GRIK4: variants seen among roughly 807,000 people sequenced by gnomAD.
GRIK4 encodes the protein glutamate ionotropic receptor kainate type subunit 4.
Under a neutral mutation model 104.9 loss-of-function variants are expected in GRIK4, and 40 were observed. That is an observed-to-expected ratio of 0.38 (90% CI 0.30 to 0.50). The LOEUF (loss-of-function observed/expected upper bound fraction) is 0.50, where lower values mean the gene tolerates loss of function less well. GRIK4 is among the 20% of genes least tolerant of loss of function. GRIK4 has a pLI of 0.93. For missense variants in GRIK4, 1,047 were observed against 1,308.1 expected (o/e 0.80, Z 3.08); for synonymous variants, 485 against 524.9 (o/e 0.92, Z 1.04).
At chr11:120,975,312 G>A (rs1944543311) in intron 19 of GRIK4, among the ~76,000 whole-genome samples, 1 of 152,170 alleles carries the variant, frequency 6.6e-6, no homozygotes, top group South Asian at 2.1e-4. Context: ...GATCCAGCGT[G>A]GTTATCCTGG....
chr11:120,609,194 C>G (rs12274778), intron 1 of GRIK4, among the ~76,000 whole-genome samples: 43,299 of 151,958 alleles, frequency 0.28, 6,664 homozygotes, highest in Non-Finnish European at 0.31. Flanking sequence ...CTCTCTTTCC[C>G]CCAGCCCCTC....
intron 8 of GRIK4, among the ~76,000 whole-genome samples, chr11:120,843,865 G>C (rs1450615536): frequency 6.6e-6 from 1 of 152,158 alleles, no homozygotes; most frequent in African/African-American, 2.4e-5. Context: ...CATCAGGTTG[G>C]GGAGTTCGTG....
chr11:120,559,140 T>G (rs1249835912), intron 1 of GRIK4, among the ~76,000 whole-genome samples: 1 of 152,184 alleles, frequency 6.6e-6, no homozygotes, highest in East Asian at 1.9e-4. Flanking sequence ...GTGGTGACCT[T>G]CGTGGCATAG....
At chr11:120,787,452 A>AT (rs1555064627) in intron 3 of GRIK4, among the ~76,000 whole-genome samples, 8 of 146,946 alleles carry the variant, frequency 5.4e-5, no homozygotes, top group South Asian at 2.1e-4. Flanking sequence ...ATTTTATTTT[A>AT]TTTATTTTAT....
In GRIK4 at chr11:120,903,914, G is replaced by A. The variant is rs1377988902; in HGVS notation, c.1273-1376G>A. ...GATCAACACGCTGGTTCCCAGCCCT[G>A]CTAGGTCTGTGAGAATGGTGGGAGT... On this transcript the variant is annotated intron_variant, in intron 12 of 20. Coordinates refer to ENST00000527524, the MANE Select transcript of GRIK4 (RefSeq NM_014619.5). This position sits in a 1 kb window ranked among gnomAD's most constrained non-coding sequence, Gnocchi z 4.4. Among the ~76,000 whole-genome samples, 4 of 152,214 alleles carry A rather than the reference G, an allele frequency of 2.6e-5. No homozygotes were observed. The highest frequency in any genetic ancestry group is 9.7e-5 in the African/African-American group (4 of 41,444).
chr11:120,556,709 C>T (rs544986912), intron 1 of GRIK4, among the ~76,000 whole-genome samples: 1 of 152,306 alleles, frequency 6.6e-6, no homozygotes, highest in Admixed American at 6.5e-5. Context: ...AAAGCACCCT[C>T]CTGTCACCTC....
At chr11:120,804,311 A>C (rs1310381333) in intron 4 of GRIK4, among the ~76,000 whole-genome samples, 5 of 152,258 alleles carry the variant, frequency 3.3e-5, no homozygotes, top group Non-Finnish European at 7.3e-5. Context: ...AGGATCCAGC[A>C]AAGCTCCAGC....
At chr11:120,597,685 T>C (rs1418564444) in intron 1 of GRIK4, among the ~76,000 whole-genome samples, 1 of 152,028 alleles carries the variant, frequency 6.6e-6, no homozygotes, top group Non-Finnish European at 1.5e-5. Flanking sequence ...GTGCTGCCTG[T>C]TCAGTGCAGC....
In GRIK4 at chr11:120,518,515, C is replaced by A. The variant is rs758754126; in HGVS notation, c.-159+6628C>A. Among the ~76,000 whole-genome samples the A allele has an allele frequency of 3.0e-4, 45 of 152,028 alleles. 1 individual carries two copies. Among genetic ancestry groups the A allele is most frequent in the Non-Finnish European group, 1.8e-4 (12 of 68,028 alleles). Reference sequence around the variant, plus strand: ...GTCCAAGCCCCAGAGAGACGAGGGGCCCAAAGCCCAGGGTGTTTAAGTCAC... The same window carrying A: ...GTCCAAGCCCCAGAGAGACGAGGGGACCAAAGCCCAGGGTGTTTAAGTCAC... On this transcript the variant is annotated intron_variant, in intron 1 of 20. Transcript: ENST00000527524.
chr11:120,872,070 C>T, intron 9 of GRIK4: 1 of 369,476 alleles, frequency 2.7e-6, no homozygotes, highest in Non-Finnish European at 5.4e-6. Context: ...TCAGTCAACA[C>T]CGGCTTCCTG....
chr11:120,780,263 C>T (rs1952126883), intron 3 of GRIK4, among the ~76,000 whole-genome samples: 1 of 152,234 alleles, frequency 6.6e-6, no homozygotes, highest in South Asian at 2.1e-4. Context: ...CACTATCTAT[C>T]TCCAGAATTC....
intron 1 of GRIK4, among the ~76,000 whole-genome samples, chr11:120,559,841 A>G (rs541952234): frequency 6.6e-6 from 1 of 152,206 alleles, no homozygotes; most frequent in South Asian, 2.1e-4. Flanking sequence ...CGTTTAATGC[A>G]TATTAACTGT....
At chr11:120,592,923 C>G (rs1948752082) in intron 1 of GRIK4, among the ~76,000 whole-genome samples, 1 of 152,186 alleles carries the variant, frequency 6.6e-6, no homozygotes, top group African/African-American at 2.4e-5. Flanking sequence ...TGGTTCACAC[C>G]TGTAATCCCA....
chr11:120,657,156 A>G (rs1234129290), intron 2 of GRIK4, among the ~76,000 whole-genome samples: 1 of 152,220 alleles, frequency 6.6e-6, no homozygotes, highest in Non-Finnish European at 1.5e-5. Context: ...ACAAATATTT[A>G]TTAAGGCCGT....
rs556233296 is a variant in GRIK4, at chr11:120,986,202, C to T, written c.2813C>T (p.Ala938Val). The part of the protein sequence containing the change: ...FQGLRARPSP[A>V]RSEESLEWEK... The stretch of plus-strand genomic sequence containing the variant: ...GGCCTGCGGGCACGGCCGTCGCCCG[C>T]CCGCAGCGAGGAGAGCCTGGAGTGG... Residue 938 changes from alanine (A) to valine (V), a missense_variant, in exon 21 of 21, where the codon GCC (alanine) becomes GTC (valine). Around this residue, in one of 3 missense-constraint regions of GRIK4, gnomAD observed 160 missense variants for 140.9 expected, o/e 1.14. Transcript: ENST00000527524. The T allele has an allele frequency of 4.1e-5, 64 of 1,570,178 alleles. 1 individual carries two copies. The African/African-American group carries it at 8.6e-4, about 21-fold the overall frequency.
chr11:120,673,968 C>T (rs1950060749), intron 3 of GRIK4, among the ~76,000 whole-genome samples: 1 of 152,214 alleles, frequency 6.6e-6, no homozygotes, highest in Admixed American at 6.5e-5. Context: ...GACTCTATCT[C>T]TCTGTGCCTA....
At chr11:120,911,528 C>T (rs1192154560) in intron 13 of GRIK4, among the ~76,000 whole-genome samples, 28 of 148,304 alleles carry the variant, frequency 1.9e-4, no homozygotes, top group Admixed American at 1.1e-3. Context: ...TGAGCCACCG[C>T]GCCCGGCCCA....
intron 18 of GRIK4, among the ~76,000 whole-genome samples, chr11:120,964,278 C>T (rs1343889689): frequency 6.6e-6 from 1 of 152,132 alleles, no homozygotes; most frequent in Non-Finnish European, 1.5e-5. Flanking sequence ...AGGCGTGAGC[C>T]ACCACTACTT....
At chr11:120,550,797 G>A (rs911644028) in intron 1 of GRIK4, among the ~76,000 whole-genome samples, 3 of 151,884 alleles carry the variant, frequency 2.0e-5, no homozygotes, top group Non-Finnish European at 4.4e-5. Context: ...AGCCAGACTG[G>A]GGTGGTTGGA....
Sources: allele counts gnomAD v4.1 joint callset (sites outside exome capture counted in the v4.1 genomes callset), GRCh38; gene constraint gnomAD v4.1.1; regional missense constraint gnomAD v4.1.1; non-coding constraint Gnocchi (gnomAD v3.1); transcripts MANE v1.5; gene names NCBI Gene and HGNC (gene_info 2026-07-23, HGNC 2026-07-21).